The following ANKRD36C variants were observed in gnomAD, a reference collection of about 807,000 sequenced individuals.
The protein encoded by ANKRD36C is ankyrin repeat domain 36C, also known as ankyrin repeat domain-containing protein 36C.
Under a neutral mutation model 276.4 loss-of-function variants are expected in ANKRD36C, and 61 were observed. The ratio of observed to expected loss-of-function variants is 0.22; its 90% CI spans 0.18 to 0.27. The LOEUF (loss-of-function observed/expected upper bound fraction) is 0.27. Ranked by LOEUF, ANKRD36C falls within the 10% of genes least tolerant of loss-of-function variation. The probability of loss-of-function intolerance (pLI) is 1.00; values close to 1 mark genes in which losing one functional copy is unlikely to be tolerated. For missense variants in ANKRD36C, 1,447 were observed against 2,032.3 expected (o/e 0.71, Z 5.54); for synonymous variants, 483 against 680.1 (o/e 0.71, Z 4.51).
chr2:95,874,581 A>T (rs1287142565), intron 59 of ANKRD36C, among the ~76,000 whole-genome samples: 2 of 152,242 alleles, frequency 1.3e-5, no homozygotes, highest in Non-Finnish European at 2.9e-5. Context: ...AAACCCTAGA[A>T]GAAAACCTAG....
intron 6 of ANKRD36C, among the ~76,000 whole-genome samples, chr2:95,967,193 T>C (rs1678609569): frequency 6.6e-6 from 1 of 152,150 alleles, no homozygotes; most frequent in South Asian, 2.1e-4. Flanking sequence ...AATACTATGA[T>C]CAGAGTGAAG....
At chr2:95,888,956 T>A (rs1676268674) in intron 48 of ANKRD36C, among the ~76,000 whole-genome samples, 2 of 151,650 alleles carry the variant, frequency 1.3e-5, no homozygotes, top group African/African-American at 4.8e-5. Flanking sequence ...TATTTTTTGT[T>A]TCTAAAAAGT....
At position 95,884,131 on chromosome 2, in the gene ANKRD36C, A is replaced by G. The variant is rs778233829; in HGVS notation, c.3265+42T>C. On this transcript the variant is annotated intron_variant, in intron 54 of 66. Coordinates refer to ENST00000456556, the Ensembl canonical transcript of ANKRD36C. Reference sequence around the variant, plus strand: ...TATTTGGGAAGAGAAGTTCTTTTCTATCTGGACTGAACATGACATTAAATG... The same window carrying G: ...TATTTGGGAAGAGAAGTTCTTTTCTGTCTGGACTGAACATGACATTAAATG... 1.9e-6 allele frequency: 3 copies of G among 1,570,058 alleles called. No individual in the cohort carries two copies. The South Asian group carries it at 3.4e-5, about 18-fold the overall frequency.
intron 6 of ANKRD36C, among the ~76,000 whole-genome samples, chr2:95,964,019 G>A (rs908294320): frequency 0.048 from 2,033 of 42,646 alleles, 28 homozygotes; most frequent in African/African-American, 0.095. Context: ...ATATATGTGT[G>A]TGTGTGTCAT....
intron 59 of ANKRD36C, chr2:95,876,001 T>C (rs1196839279): frequency 2.3e-6 from 1 of 440,860 alleles, no homozygotes; most frequent in Admixed American, 2.5e-5. Flanking sequence ...GGAAAGTAAA[T>C]TTTTAACCTT....
intron 6 of ANKRD36C, among the ~76,000 whole-genome samples, chr2:95,965,207 A>G (rs1678563037): frequency 1.3e-5 from 2 of 152,012 alleles, no homozygotes; most frequent in African/African-American, 4.8e-5. Flanking sequence ...TTCAGAAGAG[A>G]AAAAATACAC....
At chr2:95,849,579 T>C (rs2950716), downstream of ANKRD36C, among the ~76,000 whole-genome samples, 1 of 152,180 alleles carries the variant, frequency 6.6e-6, no homozygotes, top group South Asian at 2.1e-4. Context: ...TTCCTATTAT[T>C]ACTACATTGT....
exon 42 of ANKRD36C, chr2:95,912,273 T>C (rs764690239): frequency 8.3e-6 from 13 of 1,557,592 alleles, no homozygotes; most frequent in Non-Finnish European, 1.1e-5. Flanking sequence ...ATCCTTTTTT[T>C]CTCTGGTTAT....
chr2:95,972,148 T>C (rs1168156077), intron 6 of ANKRD36C, among the ~76,000 whole-genome samples: 2 of 152,184 alleles, frequency 1.3e-5, no homozygotes, highest in East Asian at 1.9e-4. Flanking sequence ...ACTGGCCCTT[T>C]GCTGGTGTTT....
At chr2:95,958,116 T>A (rs1331048413) in intron 12 of ANKRD36C, among the ~76,000 whole-genome samples, 1 of 152,240 alleles carries the variant, frequency 6.6e-6, no homozygotes, top group Non-Finnish European at 1.5e-5. Context: ...CCCTTCTTCC[T>A]GCCTCACAAT....
intron 48 of ANKRD36C, among the ~76,000 whole-genome samples, chr2:95,888,898 C>T (rs1676267336): frequency 6.6e-6 from 1 of 151,556 alleles, no homozygotes; most frequent in Admixed American, 6.6e-5. Flanking sequence ...AGAAATCAAT[C>T]AAATATTCAT....
chr2:95,924,297 G>A (rs1677350284), intron 30 of ANKRD36C, among the ~76,000 whole-genome samples: 1 of 151,502 alleles, frequency 6.6e-6, no homozygotes, highest in Non-Finnish European at 1.5e-5. Flanking sequence ...TACATTTCTT[G>A]TATCCTCTAG....
downstream of ANKRD36C, among the ~76,000 whole-genome samples, chr2:95,850,052 G>A (rs1394031480): frequency 6.6e-6 from 1 of 152,284 alleles, no homozygotes; most frequent in Non-Finnish European, 1.5e-5. Flanking sequence ...AGTTAACTAA[G>A]AGAAAGTCAG....
chr2:95,955,588 A>G (rs938730410), intron 13 of ANKRD36C, among the ~76,000 whole-genome samples: 11 of 152,132 alleles, frequency 7.2e-5, no homozygotes, highest in African/African-American at 2.4e-4. Flanking sequence ...ATTGGGTTCA[A>G]CAGCTCATTC....
chr2:95,945,021 T>C lies in ANKRD36C; in HGVS notation c.1423+93A>G, dbSNP rs1678006004. On this transcript the variant is annotated intron_variant, in intron 18 of 66. Transcript: ENST00000456556. ...CACTGCACTCCAGCCTGGGCAACAT[T>C]GAGTAACACTCTGTCTACAAAAAAT... 4.9e-6 allele frequency: 7 copies of C among 1,420,008 alleles called. No individual in the cohort carries two copies. In the Admixed American group the frequency reaches 1.4e-4, roughly 29 times the overall value. 88.0% of individuals were successfully genotyped at this position (1,420,008 alleles called of 1,614,324 possible).
intron 8 of ANKRD36C, 27 bp downstream of exon 8, chr2:95,962,325 T>C (rs755921613): frequency 1.3e-6 from 2 of 1,546,614 alleles, no homozygotes; most frequent in Admixed American, 2.0e-5. Context: ...TGAGTGAACA[T>C]GACATTAGAT....
downstream of ANKRD36C, among the ~76,000 whole-genome samples, chr2:95,850,845 T>A (rs1675277232): frequency 6.6e-6 from 1 of 152,178 alleles, no homozygotes; most frequent in Non-Finnish European, 1.5e-5. Context: ...GACGATGCCT[T>A]TGTTTTGTGA....
At chr2:95,943,938 C>G (rs1377827087) in intron 19 of ANKRD36C, among the ~76,000 whole-genome samples, 1 of 152,096 alleles carries the variant, frequency 6.6e-6, no homozygotes, top group Non-Finnish European at 1.5e-5. Flanking sequence ...ATACACATTA[C>G]CTTAACTATG....
chr2:95,961,207 T>C (rs994464844), intron 8 of ANKRD36C, among the ~76,000 whole-genome samples: 1 of 152,128 alleles, frequency 6.6e-6, no homozygotes, highest in African/African-American at 2.4e-5. Flanking sequence ...AGCTTAAATA[T>C]ATGTTTGGTG....
Sources: gnomAD v4.1 joint callset for allele counts (sites outside exome capture counted in the v4.1 genomes callset) on GRCh38, gnomAD v4.1.1 for gene constraint, MANE v1.5 for transcripts, NCBI Gene and HGNC (gene_info 2026-07-23, HGNC 2026-07-21) for gene names.